Variants in SMYD3 observed in about 807,000 individuals in gnomAD.
SMYD3 encodes histone-lysine N-methyltransferase SMYD3.
A neutral mutation model predicts 57.7 loss-of-function variants in SMYD3; 36 were observed. The observed-to-expected ratio is 0.62, with a 90% CI of 0.48 to 0.82. The LOEUF (loss-of-function observed/expected upper bound fraction) is 0.82. Ranked by LOEUF, SMYD3 falls within the 40% of genes least tolerant of loss-of-function variation. The pLI is 0.00. For synonymous variants in SMYD3, 211 were observed against 195.0 expected, an observed-to-expected ratio of 1.08 and a Z score of -0.68; for missense variants, 515 against 538.8, an observed-to-expected ratio of 0.96 and a Z score of 0.44.
At chr1:246,322,723 T>A (rs1011385) in intron 5 of SMYD3, among the ~76,000 whole-genome samples, 17 of 151,952 alleles carry the variant, frequency 1.1e-4, no homozygotes, top group East Asian at 9.7e-4. Context: ...CTAAGTTTTT[T>A]AAAAAAAACA....
chr1:246,254,617 G>C (rs12117700), intron 5 of SMYD3, among the ~76,000 whole-genome samples: 31,511 of 151,964 alleles, frequency 0.21, 3,949 homozygotes, highest in East Asian at 0.58. Flanking sequence ...TTGGCTACTT[G>C]GACTCTTTTT....
intron 8 of SMYD3, among the ~76,000 whole-genome samples, chr1:245,894,181 A>T (rs2053588188): frequency 6.6e-6 from 1 of 152,180 alleles, no homozygotes; most frequent in South Asian, 2.1e-4. Flanking sequence ...AAAATGCACC[A>T]ATCAGTGCTC....
chr1:245,792,109 C>A (rs920490900), intron 10 of SMYD3, among the ~76,000 whole-genome samples: 6 of 152,020 alleles, frequency 3.9e-5, no homozygotes, highest in Admixed American at 3.3e-4. Context: ...ACAACTGAGC[C>A]AACTCATTCA....
At chr1:246,269,414 G>C (rs1195629944) in intron 5 of SMYD3, among the ~76,000 whole-genome samples, 3 of 152,018 alleles carry the variant, frequency 2.0e-5, no homozygotes, top group Non-Finnish European at 4.4e-5. Flanking sequence ...ATTAGCTGGT[G>C]GTGATAGAAC....
intron 1 of SMYD3, among the ~76,000 whole-genome samples, chr1:246,400,800 T>C (rs1447858519): frequency 6.6e-6 from 1 of 151,958 alleles, no homozygotes; most frequent in Non-Finnish European, 1.5e-5. Flanking sequence ...AAATACCCAA[T>C]GTACTTTATT....
chr1:246,218,064 A>C (rs958967813), intron 5 of SMYD3, among the ~76,000 whole-genome samples: 6 of 152,196 alleles, frequency 3.9e-5, no homozygotes, highest in Admixed American at 1.3e-4. Context: ...ACAGCGATAA[A>C]ACTGAATGAG....
intron 10 of SMYD3, among the ~76,000 whole-genome samples, chr1:245,857,086 T>C (rs2051283294): frequency 6.6e-6 from 1 of 152,168 alleles, no homozygotes; most frequent in Non-Finnish European, 1.5e-5. Flanking sequence ...GTCTACAGTC[T>C]CAGCCCTCAA....
intron 1 of SMYD3, among the ~76,000 whole-genome samples, chr1:246,370,582 T>C (rs2066178144): frequency 6.6e-6 from 1 of 152,170 alleles, no homozygotes; most frequent in Admixed American, 6.5e-5. Flanking sequence ...AACTATGAGA[T>C]AATCTATATG....
intron 5 of SMYD3, among the ~76,000 whole-genome samples, chr1:246,119,682 C>A (rs1407323225): frequency 2.0e-5 from 3 of 151,884 alleles, no homozygotes; most frequent in Non-Finnish European, 2.9e-5. Flanking sequence ...CAAAGTGCTG[C>A]CATTACAGGC....
intron 3 of SMYD3, 103 bp downstream of exon 3, chr1:246,335,264 G>C: frequency 9.8e-7 from 1 of 1,023,848 alleles, no homozygotes; most frequent in East Asian, 2.4e-5. Flanking sequence ...TATTGTGGTA[G>C]TCTGAAACTG....
chr1:245,995,833 C>T (rs369836123), intron 5 of SMYD3, among the ~76,000 whole-genome samples: 3 of 152,128 alleles, frequency 2.0e-5, no homozygotes, highest in East Asian at 1.9e-4. Flanking sequence ...ATCAGAGAGC[C>T]AATAGACATG....
chr1:245,799,796 G>C (rs530991544), intron 10 of SMYD3, among the ~76,000 whole-genome samples: 1 of 152,180 alleles, frequency 6.6e-6, no homozygotes, highest in Non-Finnish European at 1.5e-5. Flanking sequence ...CTGTCCACCT[G>C]TCCATCTGCC....
In SMYD3 at chr1:246,218,706, C is replaced by CTT. The variant is rs1407175115; in HGVS notation, c.531+108493_531+108494dup. Among the ~76,000 whole-genome samples the CTT allele has an allele frequency of 2.0e-5, 3 of 151,734 alleles. No individual in the cohort carries two copies. In the East Asian group the frequency reaches 5.8e-4, roughly 29 times the overall value. ...GTTGTTTGTTTACTGTTATTTGTAC[C>CTT]TTATATTTAAGGTATTTTGTGTGTG... On this transcript the variant is annotated intron_variant, in intron 5 of 11. Transcript: ENST00000490107.
At chr1:246,033,650 G>A (rs1441469323) in intron 5 of SMYD3, among the ~76,000 whole-genome samples, 1 of 152,146 alleles carries the variant, frequency 6.6e-6, no homozygotes, top group East Asian at 1.9e-4. Context: ...AGCCAGGCGT[G>A]GTGGCGCGTG....
chr1:245,955,157 TCTC>T (rs2057793235), intron 5 of SMYD3, among the ~76,000 whole-genome samples: 2 of 152,192 alleles, frequency 1.3e-5, no homozygotes, highest in South Asian at 4.1e-4. Flanking sequence ...AGTGGCGCGA[TCTC>T]AGCTCACTGC....
chr1:246,111,472 T>C (rs930320145), intron 5 of SMYD3: 74 of 152,354 alleles, frequency 4.9e-4, no homozygotes, highest in African/African-American at 1.7e-3. Context: ...AAGAATCTTT[T>C]GCTTTGCCTT....
At chr1:245,826,573 C>A (rs2049506381) in intron 10 of SMYD3, among the ~76,000 whole-genome samples, 3 of 152,194 alleles carry the variant, frequency 2.0e-5, no homozygotes, top group Admixed American at 6.5e-5. Context: ...CGCCAAGTTT[C>A]TTAAATGACC....
At position 245,949,438 on chromosome 1, in the gene SMYD3, C is replaced by T. The variant is rs868115815; in HGVS notation, c.532-19501G>A. ...GAGGAAATTATAGACACCACGGATGCCGATACAGCCAAAAAAGAAAAAGAA... is the reference window on the plus strand; with the variant it reads ...GAGGAAATTATAGACACCACGGATGTCGATACAGCCAAAAAAGAAAAAGAA... On this transcript the variant is annotated intron_variant, in intron 5 of 11. Coordinates refer to ENST00000490107, the MANE Select transcript of SMYD3 (RefSeq NM_001167740.2). Among the ~76,000 whole-genome samples the T allele has an allele frequency of 4.6e-5, 7 of 152,220 alleles. No homozygotes were observed. The South Asian group carries it at 1.2e-3, about 27-fold the overall frequency.
intron 5 of SMYD3, among the ~76,000 whole-genome samples, chr1:246,238,299 G>A (rs748808127): frequency 4.7e-4 from 72 of 152,178 alleles, no homozygotes; most frequent in Non-Finnish European, 9.0e-4. Flanking sequence ...CGAAAGTGCT[G>A]TGATTACAGG....
Sources: allele counts gnomAD v4.1 joint callset (sites outside exome capture counted in the v4.1 genomes callset), GRCh38; gene constraint gnomAD v4.1.1; transcripts MANE v1.5; gene names NCBI Gene and HGNC (gene_info 2026-07-23, HGNC 2026-07-21).